INTS14: variants seen among roughly 807,000 people sequenced by gnomAD.
The protein encoded by INTS14 is integrator complex subunit 14, also known as UPF0464 protein C15orf44.
A neutral mutation model predicts 56.9 loss-of-function variants in INTS14; 27 were observed. That is an observed-to-expected ratio of 0.47 (90% CI 0.35 to 0.65). The LOEUF (loss-of-function observed/expected upper bound fraction) is 0.65, where lower values mean the gene tolerates loss of function less well. Among genes scored for constraint, INTS14 ranks in the 30% least tolerant of loss-of-function variants. The probability of loss-of-function intolerance (pLI) is 0.00; values close to 1 mark genes in which losing one functional copy is unlikely to be tolerated. For missense variants in INTS14, 517 were observed against 632.2 expected, an observed-to-expected ratio of 0.82 and a Z score of 1.95; for synonymous variants, 207 against 236.2, an observed-to-expected ratio of 0.88 and a Z score of 1.13.
At chr15:65,610,605 T>C (rs1222947470) in intron 1 of INTS14, 2 of 1,439,610 alleles carry the variant, frequency 1.4e-6, no homozygotes, top group African/African-American at 2.8e-5. Context: ...CTGAAGGTGA[T>C]AATTAGCTCA....
chr15:65,598,811 G>T, intron 5 of INTS14, 61 bp downstream of exon 5: 1 of 1,283,052 alleles, frequency 7.8e-7, no homozygotes, highest in Non-Finnish European at 1.1e-6. Flanking sequence ...TAGTCTTCCT[G>T]GATGTCAAAT....
chr15:65,585,368 G>A (rs2072780029), intron 9 of INTS14, among the ~76,000 whole-genome samples: 1 of 152,108 alleles, frequency 6.6e-6, no homozygotes, highest in South Asian at 2.1e-4. Flanking sequence ...ATTTCAAATT[G>A]TACTTAATTT....
intron 1 of INTS14, chr15:65,610,606 A>G (rs890142875): frequency 9.0e-6 from 13 of 1,446,312 alleles, no homozygotes; most frequent in Admixed American, 2.0e-5. Context: ...TGAAGGTGAT[A>G]ATTAGCTCAT....
chr15:65,579,419 C>G lies in INTS14; in HGVS notation c.1546G>C (p.Glu516Gln). 1 of 1,607,916 alleles carries G rather than the reference C, an allele frequency of 6.2e-7. No homozygotes were observed. Among genetic ancestry groups the G allele is most frequent in the Non-Finnish European group, 8.5e-7 (1 of 1,175,412 alleles). The change falls in exon 12 of 12, where the codon GAA becomes CAA. Residue 516 changes from glutamate to glutamine, a missense_variant. Glu to Gln is a conservative substitution (Grantham distance 29, BLOSUM62 2). Transcript: ENST00000313182. ...LHTDFSGSST[E>Q]RI ...TCCAAAAGTCAGTTTCAAATTCTTT[C>G]AGTGCTGCTCCCAGAGAAGTCCGTG...
At chr15:65,611,048 C>A in intron 1 of INTS14, 50 bp downstream of exon 1, 2 of 1,535,530 alleles carry the variant, frequency 1.3e-6, no homozygotes, top group Non-Finnish European at 1.7e-6. Context: ...TCACCTGTAA[C>A]CCCAACAAGC....
At chr15:65,610,066 A>T (rs1261043347) in intron 1 of INTS14, among the ~76,000 whole-genome samples, 1 of 144,862 alleles carries the variant, frequency 6.9e-6, no homozygotes, top group Non-Finnish European at 1.5e-5. Context: ...CAAGCAGTAT[A>T]GGCCTGATTA....
chr15:65,589,324 AT>A (rs1375310340), intron 9 of INTS14, among the ~76,000 whole-genome samples: 1 of 152,030 alleles, frequency 6.6e-6, no homozygotes, highest in Non-Finnish European at 1.5e-5. Flanking sequence ...TGCCCAGCAA[AT>A]TTTTGTATTT....
At chr15:65,595,651 A>G in intron 7 of INTS14, 82 bp downstream of exon 7, 1 of 1,117,880 alleles carries the variant, frequency 8.9e-7, no homozygotes, top group African/African-American at 1.6e-5. Flanking sequence ...ATTCTGCAAA[A>G]TGGGCTATCC....
In INTS14 at chr15:65,607,248, T is replaced by C; in HGVS notation, c.133A>G (p.Asn45Asp). The change falls in exon 2 of 12, where the codon AAT (asparagine) becomes GAT (aspartate). Residue 45 changes from asparagine (N) to aspartate (D), a missense_variant. Transcript: ENST00000313182. Reference protein sequence around the residue: ...LTMLFEHMATNYKLEFTALVV... With the variant: ...LTMLFEHMATDYKLEFTALVV... ...AGTGCTGTAAATTCAAGCTTGTAATTTGTGGCCATGTGCTCAAACAGCATC... is the reference window on the plus strand; with the variant it reads ...AGTGCTGTAAATTCAAGCTTGTAATCTGTGGCCATGTGCTCAAACAGCATC... The C allele has an allele frequency of 6.2e-7, 1 of 1,614,198 alleles. No homozygotes were observed. The highest frequency in any genetic ancestry group is 1.1e-5 in the South Asian group (1 of 91,090).
At chr15:65,606,989 G>C (rs2073677655) in intron 2 of INTS14, among the ~76,000 whole-genome samples, 170 bp downstream of exon 2, 1 of 152,186 alleles carries the variant, frequency 6.6e-6, no homozygotes. Context: ...CGAAGAAACA[G>C]TAGGCATAAG....
chr15:65,608,241 T>A (rs2073725570), intron 1 of INTS14, among the ~76,000 whole-genome samples: 2 of 151,512 alleles, frequency 1.3e-5, no homozygotes, highest in South Asian at 4.2e-4. Flanking sequence ...CCAGGCATGG[T>A]GGCTACTTGG....
chr15:65,598,359 T>A lies in INTS14; in HGVS notation c.710A>T (p.Asp237Val), dbSNP rs2073292893. 5.6e-6 allele frequency: 9 copies of A among 1,613,998 alleles called. No homozygotes were observed. Among genetic ancestry groups the A allele is most frequent in the Non-Finnish European group, 7.6e-6 (9 of 1,179,996 alleles). Residue 237 changes from aspartate to valine, a missense_variant, in exon 6 of 12, where the codon GAT becomes GTT. Physicochemically the swap from Asp to Val is radical, Grantham distance 152. Coordinates refer to ENST00000313182, the MANE Select transcript of INTS14 (RefSeq NM_001394796.1). ...VFPRPEPFVV[D>V]EEIDPIPKVI... ...TTTAGGGATAGGATCAATTTCTTCATCTACAACAAAAGGTTCTGGCCTGGG... is the reference window on the plus strand; with the variant it reads ...TTTAGGGATAGGATCAATTTCTTCAACTACAACAAAAGGTTCTGGCCTGGG...
At chr15:65,604,630 C>T (rs1566932091) in intron 3 of INTS14, among the ~76,000 whole-genome samples, 1 of 149,486 alleles carries the variant, frequency 6.7e-6, no homozygotes. Context: ...CTCAGGAGGA[C>T]GAAGTGGGAG....
At chr15:65,608,565 T>C (rs2073740518) in intron 1 of INTS14, among the ~76,000 whole-genome samples, 1 of 152,110 alleles carries the variant, frequency 6.6e-6, no homozygotes, top group Non-Finnish European at 1.5e-5. Flanking sequence ...TGCTACTCTA[T>C]TATTAAGCAA....
rs1347911509 is a variant in INTS14 at position 65,598,979 on chromosome 15, G to A, written c.498C>T (p.Thr166=). ...CMANLEELQS[T]DSLECLERLI... ...GACGTTCAAGGCATTCCAAGGAATCGGTGCTCTGGAGCTATAAAGCAAAAC... is the reference window on the plus strand; with the variant it reads ...GACGTTCAAGGCATTCCAAGGAATCAGTGCTCTGGAGCTATAAAGCAAAAC... Residue 166 remains threonine, a synonymous_variant, in exon 5 of 12, where the codon ACC becomes ACT. Coordinates refer to ENST00000313182, the MANE Select transcript of INTS14 (RefSeq NM_001394796.1). 1.3e-5 allele frequency: 21 copies of A among 1,613,120 alleles called. No homozygotes were observed. The highest frequency in any genetic ancestry group is 1.6e-4 in the Middle Eastern group (1 of 6,078).
In INTS14 at chr15:65,598,870, A is replaced by G; in HGVS notation, c.605+2T>C. The G allele has an allele frequency of 6.2e-7, 1 of 1,607,298 alleles. No homozygotes were observed. Among genetic ancestry groups the G allele is most frequent in the Non-Finnish European group, 8.5e-7 (1 of 1,175,214 alleles). Reference sequence around the variant, plus strand: ...GCAAAAGAGCTCTAAGCATATACTCACCCAAACATAGACTGTACATTCTTC... The same window carrying G: ...GCAAAAGAGCTCTAAGCATATACTCGCCCAAACATAGACTGTACATTCTTC... On this transcript the variant is annotated splice_donor_variant, in intron 5 of 11. Transcript: ENST00000313182. LOFTEE classifies it high-confidence loss of function.
intron 8 of INTS14, 25 bp from the exon 9 acceptor site, chr15:65,591,756 CAGA>C: frequency 1.2e-6 from 2 of 1,612,016 alleles, no homozygotes; most frequent in Admixed American, 1.7e-5. Flanking sequence ...GACGGAAGAT[CAGA>C]AGAACATCAA....
chr15:65,595,613 C>T (rs113251082), intron 7 of INTS14, 120 bp downstream of exon 7: 2 of 741,160 alleles, frequency 2.7e-6, no homozygotes, highest in South Asian at 1.8e-5. Context: ...TTCTAAAATC[C>T]AATTCTGTAA....
chr15:65,593,853 G>A lies in INTS14; in HGVS notation c.842-281C>T, dbSNP rs184081222. Among the ~76,000 whole-genome samples, 546 of 152,190 alleles carry A rather than the reference G, an allele frequency of 3.6e-3. 3 individuals are homozygous for A. Among genetic ancestry groups the A allele is most frequent in the African/African-American group, 0.013 (526 of 41,504 alleles). Reference sequence around the variant, plus strand: ...TTTGGGGTAGGGGAAATGGGGGGAGGGGTCTGGGAGTTGATAGTTAAAGGG... The same window carrying A: ...TTTGGGGTAGGGGAAATGGGGGGAGAGGTCTGGGAGTTGATAGTTAAAGGG... On this transcript the variant is annotated intron_variant, in intron 7 of 11. Transcript: ENST00000313182.
Sources: allele counts gnomAD v4.1 joint callset (sites outside exome capture counted in the v4.1 genomes callset), GRCh38; gene constraint gnomAD v4.1.1; transcripts MANE v1.5; gene names NCBI Gene and HGNC (gene_info 2026-07-23, HGNC 2026-07-21).